The following PKNOX1 variants were observed in gnomAD, a reference collection of about 807,000 sequenced individuals.
PKNOX1 encodes the protein PBX/knotted 1 homeobox 1, also known as homeobox protein PKNOX1.
PKNOX1 carries 15 observed loss-of-function variants against 51.9 expected under a neutral mutation model. The observed-to-expected ratio is 0.29, with a 90% CI of 0.19 to 0.45. The LOEUF (loss-of-function observed/expected upper bound fraction) is 0.45, where lower values mean the gene tolerates loss of function less well. PKNOX1 is among the 20% of genes least tolerant of loss of function. The probability of loss-of-function intolerance (pLI) is 1.00; values close to 1 mark genes in which losing one functional copy is unlikely to be tolerated. For synonymous variants in PKNOX1, 219 were observed against 211.1 expected, an observed-to-expected ratio of 1.04 and a Z score of -0.32; for missense variants, 462 against 547.5, an observed-to-expected ratio of 0.84 and a Z score of 1.56.
rs575379763 is a variant in PKNOX1 at position 43,032,959 on chromosome 21, G to A, written c.*2858G>A. 5.9e-5 allele frequency: 9 copies of A among 152,304 alleles called. No homozygotes were observed. Among genetic ancestry groups the A allele is most frequent in the Non-Finnish European group, 1.2e-4 (8 of 68,042 alleles). 9.4% of individuals were successfully genotyped at this position (152,304 alleles called of 1,614,324 possible). ...CCTGTTCTCCAGCCCTTGGACAGTG[G>A]AGAGAATCTGTAAAAGTGTGACCCC... On this transcript the variant is annotated 3_prime_UTR_variant, in exon 11 of 11. Transcript: ENST00000291547.
In PKNOX1 at chr21:43,032,152, G is replaced by A. The variant is rs138122466; in HGVS notation, c.*2051G>A. ...TGGGATTACAGGTGTGAGCCACCGC[G>A]CCCGGCCGAGAATGACATCTTAAAG... On this transcript the variant is annotated 3_prime_UTR_variant, in exon 11 of 11. Coordinates refer to ENST00000291547, the MANE Select transcript of PKNOX1 (RefSeq NM_004571.5). 2.7e-3 allele frequency: 1,245 copies of A among 456,100 alleles called. 16 individuals are homozygous for A. Among genetic ancestry groups the A allele is most frequent in the African/African-American group, 0.021 (1,069 of 50,166 alleles). 28.3% of individuals were successfully genotyped at this position (456,100 alleles called of 1,614,324 possible).
In PKNOX1 at chr21:43,029,965, C is replaced by G. The variant is rs1980178313; in HGVS notation, c.1175C>G (p.Thr392Ser). 1.2e-6 allele frequency: 2 copies of G among 1,614,114 alleles called. No individual in the cohort carries two copies. The highest frequency in any genetic ancestry group is 1.7e-6 in the Non-Finnish European group (2 of 1,180,024). Residue 392 changes from threonine to serine, a missense_variant, in exon 11 of 11, where the codon ACC becomes AGC. Physicochemically the swap from Thr to Ser is moderately conservative, Grantham distance 58 (BLOSUM62 1). Around this residue, in one of 5 missense-constraint regions of PKNOX1, gnomAD observed 118 missense variants for 116.8 expected, o/e 1.01. Coordinates refer to ENST00000291547, the MANE Select transcript of PKNOX1 (RefSeq NM_004571.5). ...CAGTCTCTGTCCTCGGACGGGGCCA[C>G]CCTGGCGGTGCAGCAGGTCATGATG... ...SLQSLSSDGATLAVQQVMMAG... is the reference protein window; with the variant it reads ...SLQSLSSDGASLAVQQVMMAG...
chr21:42,977,658 C>T (rs1177735845), intron 1 of PKNOX1, among the ~76,000 whole-genome samples: 2 of 149,584 alleles, frequency 1.3e-5, no homozygotes, highest in East Asian at 3.9e-4. Context: ...AGCGATTCTC[C>T]TGCCTCAGCC....
chr21:43,027,686 A>G lies in PKNOX1; in HGVS notation c.927-1016A>G, dbSNP rs115377346. ...TGTAATCCCAGCACTTTCGGAGACCAAGGCAGGCAGATCACAAGGTGAAGA... is the reference window on the plus strand; with the variant it reads ...TGTAATCCCAGCACTTTCGGAGACCGAGGCAGGCAGATCACAAGGTGAAGA... On this transcript the variant is annotated intron_variant, in intron 9 of 10. Coordinates refer to ENST00000291547, the MANE Select transcript of PKNOX1 (RefSeq NM_004571.5). Among the ~76,000 whole-genome samples, 598 of 151,222 alleles carry G rather than the reference A, an allele frequency of 4.0e-3. 3 individuals are homozygous for G. The highest frequency in any genetic ancestry group is 0.014 in the African/African-American group (570 of 41,164).
At position 43,018,474 on chromosome 21, in the gene PKNOX1, C is replaced by CACACACA; in HGVS notation, c.720+244_720+245insACACACA. Among the ~76,000 whole-genome samples, 2 of 14,440 alleles carry CACACACA rather than the reference C, an allele frequency of 1.4e-4. 1 individual carries two copies. The highest frequency in any genetic ancestry group is 3.0e-4 in the Non-Finnish European group (2 of 6,652). 9.5% of individuals were successfully genotyped at this position (14,440 alleles called of 152,430 possible). On this transcript the variant is annotated intron_variant, in intron 7 of 10. Coordinates refer to ENST00000291547, the MANE Select transcript of PKNOX1 (RefSeq NM_004571.5). ...GTCACTCATAACCACCCCCTGCCAC[C>CACACACA]CACACACACACACACACACACACAC... is the stretch of plus-strand genomic sequence containing the variant.
chr21:42,991,737 A>G (rs972688571), intron 1 of PKNOX1, among the ~76,000 whole-genome samples: 7 of 152,030 alleles, frequency 4.6e-5, no homozygotes, highest in Non-Finnish European at 8.8e-5. Flanking sequence ...CCGTCTCAAA[A>G]AAAAAAAAAC....
chr21:42,989,241 AG>A (rs1027763480), intron 1 of PKNOX1, among the ~76,000 whole-genome samples: 43 of 152,070 alleles, frequency 2.8e-4, no homozygotes, highest in African/African-American at 1.0e-3. Context: ...GGGCTTCCAA[AG>A]TGCTGGGCTT....
rs570339303 is a variant in PKNOX1 at position 43,013,154 on chromosome 21, C to T, written c.438C>T (p.Tyr146=). The T allele has an allele frequency of 1.3e-5, 21 of 1,613,822 alleles. 1 individual carries two copies. The South Asian group carries it at 1.6e-4, about 13-fold the overall frequency. Residue 146 remains tyrosine, a synonymous_variant, in exon 5 of 11, where the codon TAC becomes TAT. Coordinates refer to ENST00000291547, the MANE Select transcript of PKNOX1 (RefSeq NM_004571.5). ...NELCKDFCSR[Y]IACLKTKMNS... is the part of the protein sequence containing the mutation. ...TCTGCAAAGATTTCTGCAGTCGATA[C>T]ATTGCTTGTCTGAAAACAAAAATGA... is the stretch of plus-strand genomic sequence containing the variant.
At chr21:43,025,630 G>T (rs1009285002) in intron 9 of PKNOX1, among the ~76,000 whole-genome samples, 4 of 152,222 alleles carry the variant, frequency 2.6e-5, no homozygotes, top group Non-Finnish European at 5.9e-5. Flanking sequence ...GCACTGAAGT[G>T]GGGGGTGGTC....
intron 1 of PKNOX1, among the ~76,000 whole-genome samples, chr21:42,983,559 C>T (rs1428247146): frequency 6.6e-6 from 1 of 152,050 alleles, no homozygotes; most frequent in Non-Finnish European, 1.5e-5. Flanking sequence ...GTTCCTTCTA[C>T]CTTTTGACTA....
intron 2 of PKNOX1, among the ~76,000 whole-genome samples, chr21:43,006,022 T>C (rs1172351475): frequency 1.3e-5 from 2 of 152,234 alleles, no homozygotes; most frequent in Admixed American, 6.5e-5. Flanking sequence ...TTGCCATTTT[T>C]CCAAGGTTGA....
At position 43,033,524 on chromosome 21, in the gene PKNOX1, AT is replaced by A. The variant is rs1359266485; in HGVS notation, c.*3428del. 6.6e-6 allele frequency: 1 copy of A among 152,638 alleles called. No homozygotes were observed. Among genetic ancestry groups the A allele is most frequent in the African/African-American group, 2.4e-5 (1 of 41,452 alleles). The allele number at this position is 152,638 out of a possible 1,614,324, so 9.5% of individuals were successfully genotyped here. ...TCTTGGATTGTTGTCTTTAAAAAGG[AT>A]TTTTGTGAAGCAATTGATTTATCAA... On this transcript the variant is annotated 3_prime_UTR_variant, in exon 11 of 11. Transcript: ENST00000291547.
intron 1 of PKNOX1, among the ~76,000 whole-genome samples, chr21:42,977,968 C>A (rs1401914399): frequency 6.6e-6 from 1 of 152,072 alleles, no homozygotes; most frequent in Non-Finnish European, 1.5e-5. Flanking sequence ...TCTAATCAGA[C>A]CACTCATACT....
At chr21:43,010,292 A>C in intron 4 of PKNOX1, 68 bp downstream of exon 4, 1 of 910,846 alleles carries the variant, frequency 1.1e-6, no homozygotes, top group Non-Finnish European at 1.6e-6. Flanking sequence ...TTAGGCTTCT[A>C]AGTAGAACTT....
chr21:43,012,140 A>G (rs2146273456), intron 4 of PKNOX1, among the ~76,000 whole-genome samples: 1 of 152,362 alleles, frequency 6.6e-6, no homozygotes, highest in African/African-American at 2.4e-5. Flanking sequence ...TTACAGGTGA[A>G]GGAGATGGGC....
At position 43,021,890 on chromosome 21, in the gene PKNOX1, C is replaced by T. The variant is rs527408225; in HGVS notation, c.849+459C>T. ...AGCGAGTTTGTCCCACAGGGCGCGC[C>T]GTTTTGCCCAGCACGTGTGCACCCG... On this transcript the variant is annotated intron_variant, in intron 8 of 10. Transcript: ENST00000291547. This position sits in a 1 kb window ranked among gnomAD's most constrained non-coding sequence, Gnocchi z 4.6. Among the ~76,000 whole-genome samples the T allele has an allele frequency of 8.5e-5, 13 of 152,240 alleles. No individual in the cohort carries two copies. The highest frequency in any genetic ancestry group is 1.5e-4 in the Non-Finnish European group (10 of 68,042).
chr21:42,998,407 C>T (rs575924300), intron 1 of PKNOX1, among the ~76,000 whole-genome samples: 20 of 152,176 alleles, frequency 1.3e-4, no homozygotes, highest in African/African-American at 4.6e-4. Context: ...GCCCCTGCCC[C>T]CTCCCAAATC....
chr21:42,987,404 A>ATATATATATATATAT (rs1555858104), intron 1 of PKNOX1, among the ~76,000 whole-genome samples: 5 of 41,414 alleles, frequency 1.2e-4, no homozygotes, highest in East Asian at 4.1e-4. Flanking sequence ...AAAAAAAAAA[A>ATATATATATATATAT]ATATATATAT....
At chr21:43,017,647 T>C (rs1979551800) in intron 6 of PKNOX1, 1 of 153,764 alleles carries the variant, frequency 6.5e-6, no homozygotes, top group South Asian at 2.0e-4. Flanking sequence ...CATGTGCTAA[T>C]TTTAGGAAAT....
Sources: gnomAD v4.1 joint callset for allele counts (sites outside exome capture counted in the v4.1 genomes callset) on GRCh38, gnomAD v4.1.1 for gene constraint, gnomAD v4.1.1 regional missense constraint, Gnocchi (gnomAD v3.1) non-coding constraint, MANE v1.5 for transcripts, NCBI Gene and HGNC (gene_info 2026-07-23, HGNC 2026-07-21) for gene names.